Variants in TEX9 observed in about 807,000 individuals in gnomAD.
The protein encoded by TEX9 is testis-expressed protein 9.
In TEX9, 74 loss-of-function variants were observed where a neutral mutation model predicts 59.6. The observed-to-expected ratio is 1.24, with a 90% CI of 1.03 to 1.51. The LOEUF is 1.51. TEX9 is among the 40% of genes most tolerant of loss of function. The probability of loss-of-function intolerance (pLI) is 0.00; values close to 1 mark genes in which losing one functional copy is unlikely to be tolerated. For missense variants in TEX9, 522 were observed against 447.8 expected (o/e 1.17, Z -1.49); for synonymous variants, 186 against 152.2 (o/e 1.22, Z -1.64).
intron 1 of TEX9, among the ~76,000 whole-genome samples, chr15:56,335,821 T>A (rs76630163): frequency 0.044 from 6,688 of 152,200 alleles, 223 homozygotes; most frequent in Admixed American, 0.086. Context: ...TTTGTTAAAG[T>A]GTGCAATGTA....
intron 1 of TEX9, among the ~76,000 whole-genome samples, chr15:56,264,065 A>C (rs1231533851): frequency 1.3e-5 from 2 of 152,190 alleles, no homozygotes; most frequent in African/African-American, 2.4e-5. Flanking sequence ...ATAGGTTTTA[A>C]TGTGAACCCA....
intron 12 of TEX9, chr15:56,429,328 TA>T (rs1567144468): frequency 1.7e-6 from 1 of 602,816 alleles, no homozygotes; most frequent in Non-Finnish European, 2.8e-6. Context: ...AATGAAACTT[TA>T]AAAAAATCAA....
intron 10 of TEX9, among the ~76,000 whole-genome samples, chr15:56,420,435 G>A (rs2049926243): frequency 6.6e-6 from 1 of 151,642 alleles, no homozygotes; most frequent in African/African-American, 2.4e-5. Context: ...AGCCTCCTGA[G>A]TAGCTGGGAT....
At chr15:56,412,533 G>A in intron 10 of TEX9, 97 bp downstream of exon 10, 3 of 1,285,644 alleles carry the variant, frequency 2.3e-6, no homozygotes, top group Non-Finnish European at 3.2e-6. Context: ...AATTCTTGAT[G>A]TCATGCTGAA....
At chr15:56,260,899 T>C (rs2044250927) in intron 1 of TEX9, among the ~76,000 whole-genome samples, 2 of 152,004 alleles carry the variant, frequency 1.3e-5, no homozygotes, top group African/African-American at 4.8e-5. Flanking sequence ...AAGTTTTAAA[T>C]TGTAGATAGA....
intron 1 of TEX9, among the ~76,000 whole-genome samples, chr15:56,325,261 C>G (rs900746200): frequency 6.6e-6 from 1 of 152,116 alleles, no homozygotes; most frequent in Non-Finnish European, 1.5e-5. Context: ...CAAGGTTAAT[C>G]CATCAGCTAG....
intron 1 of TEX9, among the ~76,000 whole-genome samples, chr15:56,254,939 A>G (rs2044109777): frequency 6.6e-6 from 1 of 152,028 alleles, no homozygotes; most frequent in Non-Finnish European, 1.5e-5. Flanking sequence ...AATCTCTTTG[A>G]AAGGATGACT....
At chr15:56,272,380 T>C (rs2044556669) in intron 1 of TEX9, among the ~76,000 whole-genome samples, 2 of 152,226 alleles carry the variant, frequency 1.3e-5, no homozygotes, top group African/African-American at 2.4e-5. Flanking sequence ...ACATGTGGCC[T>C]ATTGTGTCTG....
exon 12 of TEX9, chr15:56,428,470 G>C (rs756844538): frequency 1.3e-5 from 20 of 1,495,268 alleles, no homozygotes; most frequent in Non-Finnish European, 1.8e-5. Context: ...TAGTCTCTAT[G>C]ACAGTATGTG....
chr15:56,427,204 G>A (rs1345184444), intron 10 of TEX9, among the ~76,000 whole-genome samples: 4 of 151,994 alleles, frequency 2.6e-5, no homozygotes, highest in Non-Finnish European at 5.9e-5. Flanking sequence ...CAGTATTTCT[G>A]CTCTTTCAAG....
chr15:56,272,932 TTATTTA>T (rs2044573492), intron 1 of TEX9, among the ~76,000 whole-genome samples: 1 of 128,188 alleles, frequency 7.8e-6, no homozygotes, highest in African/African-American at 2.8e-5. Context: ...ATTTATTTAT[TTATTTA>T]TTTTTTTTGT....
Position 56,324,191 on chromosome 15 carries a change from A to G in TEX9, c.-106-49250A>G, listed in dbSNP as rs140530087. Among the ~76,000 whole-genome samples, 301 of 151,966 alleles carry G rather than the reference A, an allele frequency of 2.0e-3. 2 individuals carry two copies. Among genetic ancestry groups the G allele is most frequent in the African/African-American group, 5.9e-3 (246 of 41,484 alleles). Reference sequence around the variant, plus strand: ...ATCACTCTGTAATTGCAAAAAAAAAAAGTCGCAGTGGTTTTGTTGCCATTC... The same window carrying G: ...ATCACTCTGTAATTGCAAAAAAAAAGAGTCGCAGTGGTTTTGTTGCCATTC... On this transcript the variant is annotated intron_variant, in intron 1 of 5. Coordinates refer to the TEX9 transcript ENST00000560827.
intron 10 of TEX9, among the ~76,000 whole-genome samples, chr15:56,425,758 C>T (rs1293249977): frequency 3.3e-5 from 5 of 151,966 alleles, no homozygotes; most frequent in African/African-American, 1.2e-4. Context: ...TAATATGGTC[C>T]ATGTTTCCCT....
At chr15:56,456,262 T>A in the TEX9 span, 1 of 753,722 alleles carries the variant, frequency 1.3e-6, no homozygotes, top group Non-Finnish European at 2.0e-6. Flanking sequence ...CTTAAAGCAA[T>A]AAGTATTTCC....
intron 1 of TEX9, among the ~76,000 whole-genome samples, chr15:56,322,492 C>T (rs959156213): frequency 6.6e-6 from 1 of 152,112 alleles, no homozygotes; most frequent in African/African-American, 2.4e-5. Context: ...TACTGCCCAA[C>T]CAGAATCCTG....
At chr15:56,450,724 G>A (rs1365319208), downstream of TEX9, among the ~76,000 whole-genome samples, 1 of 152,214 alleles carries the variant, frequency 6.6e-6, no homozygotes, top group Non-Finnish European at 1.5e-5. Flanking sequence ...TTGTATACAA[G>A]TATCCATTTA....
At chr15:56,350,213 T>G (rs1015092732) in intron 1 of TEX9, among the ~76,000 whole-genome samples, 1 of 152,216 alleles carries the variant, frequency 6.6e-6, no homozygotes, top group Non-Finnish European at 1.5e-5. Flanking sequence ...TTGCTAAATA[T>G]TATTTCTGTA....
chr15:56,406,588 C>T (rs907598508), intron 9 of TEX9, among the ~76,000 whole-genome samples: 7 of 152,124 alleles, frequency 4.6e-5, no homozygotes, highest in African/African-American at 1.4e-4. Context: ...ATTAGAGTTA[C>T]TCTGTATCAT....
chr15:56,327,081 C>T (rs1052429426), intron 1 of TEX9, among the ~76,000 whole-genome samples: 14 of 152,108 alleles, frequency 9.2e-5, no homozygotes, highest in African/African-American at 2.9e-4. Context: ...TTTTGATATT[C>T]TTTCATTCAG....
Sources: allele counts gnomAD v4.1 joint callset (sites outside exome capture counted in the v4.1 genomes callset), GRCh38; gene constraint gnomAD v4.1.1; transcripts MANE v1.5; gene names NCBI Gene and HGNC (gene_info 2026-07-23, HGNC 2026-07-21).